Variants in SORCS1 observed in about 807,000 individuals in gnomAD.
The protein encoded by SORCS1 is VPS10 domain-containing receptor SorCS1.
In SORCS1, 60 loss-of-function variants were observed where a neutral mutation model predicts 146.1. The observed-to-expected ratio is 0.41, with a 90% CI of 0.33 to 0.51. The LOEUF is 0.51. Ranked by LOEUF, SORCS1 falls within the 20% of genes least tolerant of loss-of-function variation. SORCS1 has a pLI of 0.21. For missense variants in SORCS1, 1,352 were observed against 1,487.6 expected (o/e 0.91, Z 1.50); for synonymous variants, 637 against 584.0 (o/e 1.09, Z -1.31).
At chr10:106,911,521 C>T (rs555535160) in intron 2 of SORCS1, among the ~76,000 whole-genome samples, 7 of 152,016 alleles carry the variant, frequency 4.6e-5, no homozygotes, top group Non-Finnish European at 8.8e-5. Context: ...GCATCAGTAC[C>T]AGAGAACCAG....
At chr10:106,755,333 T>C (rs1858552433) in intron 5 of SORCS1, among the ~76,000 whole-genome samples, 1 of 152,216 alleles carries the variant, frequency 6.6e-6, no homozygotes, top group Non-Finnish European at 1.5e-5. Context: ...CTGTTACAAA[T>C]TATGTGTTAT....
At chr10:107,026,063 T>TC (rs1460242352) in intron 1 of SORCS1, among the ~76,000 whole-genome samples, 1 of 151,758 alleles carries the variant, frequency 6.6e-6, no homozygotes, top group Admixed American at 6.6e-5. Context: ...AGGATTGAGA[T>TC]CCCCCCACAC....
intron 18 of SORCS1, among the ~76,000 whole-genome samples, chr10:106,645,637 T>C (rs1315054269): frequency 6.6e-6 from 1 of 152,214 alleles, no homozygotes; most frequent in Non-Finnish European, 1.5e-5. Context: ...GTGCATTTTC[T>C]GTTGAGTTAC....
upstream of SORCS1, among the ~76,000 whole-genome samples, chr10:107,165,109 C>T (rs980906474): frequency 2.0e-5 from 3 of 152,014 alleles, no homozygotes; most frequent in African/African-American, 7.2e-5. The surrounding 1 kb of genome is among the most constrained non-coding windows in gnomAD (Gnocchi z 4.0). Context: ...CTTTTTTCTC[C>T]GTCTTTCTGG....
At chr10:107,018,262 C>A (rs1172428969) in intron 1 of SORCS1, among the ~76,000 whole-genome samples, 1 of 152,046 alleles carries the variant, frequency 6.6e-6, no homozygotes, top group African/African-American at 2.4e-5. Context: ...GCAAGCTCTG[C>A]CTCCTGGGTT....
intron 2 of SORCS1, among the ~76,000 whole-genome samples, chr10:106,841,487 C>A (rs1302891365): frequency 6.6e-6 from 1 of 151,972 alleles, no homozygotes; most frequent in South Asian, 2.1e-4. Flanking sequence ...TACACACACA[C>A]ACACACACAC....
intron 2 of SORCS1, among the ~76,000 whole-genome samples, chr10:106,831,504 G>A (rs779234179): frequency 9.2e-5 from 14 of 152,134 alleles, no homozygotes; most frequent in South Asian, 8.3e-4. Flanking sequence ...GATTTAATTC[G>A]AAAAACACAA....
chr10:106,714,582 G>T (rs1224160515), intron 6 of SORCS1, among the ~76,000 whole-genome samples: 2 of 152,024 alleles, frequency 1.3e-5, no homozygotes, highest in East Asian at 1.9e-4. Flanking sequence ...TAAAAAGTAG[G>T]TTACCAAAAT....
In SORCS1 at chr10:106,842,431, G is replaced by A. The variant is rs375752448; in HGVS notation, c.627-12758C>T. Among the ~76,000 whole-genome samples, 11 of 151,796 alleles carry A rather than the reference G, an allele frequency of 7.2e-5. No homozygotes were observed. The East Asian group carries it at 1.2e-3, about 16-fold the overall frequency. ...GTATTTTTAGTAGAGACAGGGTTTC[G>A]CCATGTTGGCCAGGCTGGTCTCGAA... On this transcript the variant is annotated intron_variant, in intron 2 of 25. Transcript: ENST00000263054.
chr10:106,661,232 A>G (rs1434528098), intron 17 of SORCS1, among the ~76,000 whole-genome samples: 1 of 152,242 alleles, frequency 6.6e-6, no homozygotes, highest in Non-Finnish European at 1.5e-5. Flanking sequence ...CTAACATGAA[A>G]TAAAATACAA....
chr10:106,799,623 T>C (rs566186666), intron 3 of SORCS1, among the ~76,000 whole-genome samples: 138 of 152,128 alleles, frequency 9.1e-4, no homozygotes, highest in African/African-American at 3.3e-3. Context: ...AACAGACACA[T>C]GAAAAAATGC....
rs148212023 is a variant in SORCS1, at chr10:106,581,078, C to T, written c.3266-1604G>A. 2.0e-4 allele frequency among the ~76,000 whole-genome samples: 31 copies of T among 152,246 alleles called. No homozygotes were observed. In the East Asian group the frequency reaches 4.1e-3, roughly 20 times the overall value. ...TAGAAAACAAAGCTCTCAATGCCAT[C>T]GGCAGAGAGGTTCAGAAATTCTTCA... On this transcript the variant is annotated intron_variant, in intron 24 of 25. Coordinates refer to ENST00000263054, the MANE Select transcript of SORCS1 (RefSeq NM_052918.5).
chr10:107,070,783 C>G (rs911508613), intron 1 of SORCS1, among the ~76,000 whole-genome samples: 9 of 152,004 alleles, frequency 5.9e-5, no homozygotes, highest in African/African-American at 2.2e-4. Context: ...TACTTAATGA[C>G]TATGTTACTG....
At chr10:106,941,556 C>T (rs1399154131) in intron 2 of SORCS1, among the ~76,000 whole-genome samples, 1 of 152,112 alleles carries the variant, frequency 6.6e-6, no homozygotes, top group Non-Finnish European at 1.5e-5. Context: ...AGTAGTTCAC[C>T]GTGGCTAGAA....
intron 1 of SORCS1, among the ~76,000 whole-genome samples, chr10:107,067,344 TATCTGGGTAACC>T (rs1251997366): frequency 6.6e-6 from 1 of 152,104 alleles, no homozygotes; most frequent in African/African-American, 2.4e-5. Context: ...TGCAGACACT[TATCTGGGTAACC>T]ATCTCCTAAT....
intron 1 of SORCS1, among the ~76,000 whole-genome samples, chr10:107,149,807 G>C (rs1336705979): frequency 6.6e-6 from 1 of 152,190 alleles, no homozygotes; most frequent in Admixed American, 6.5e-5. Flanking sequence ...AGACAATGAA[G>C]AAAGTGTTCA....
At chr10:107,090,282 A>G (rs995236218) in intron 1 of SORCS1, among the ~76,000 whole-genome samples, 4 of 152,170 alleles carry the variant, frequency 2.6e-5, no homozygotes, top group Non-Finnish European at 4.4e-5. Flanking sequence ...ACCACAAGAG[A>G]GGAAGTAAAG....
intron 2 of SORCS1, among the ~76,000 whole-genome samples, chr10:106,839,026 C>T (rs1035430724): frequency 6.6e-6 from 1 of 152,158 alleles, no homozygotes; most frequent in African/African-American, 2.4e-5. Flanking sequence ...TTTCTCCCTC[C>T]TTTTCTTTCC....
chr10:106,635,587 G>A (rs763736701), intron 18 of SORCS1, among the ~76,000 whole-genome samples: 3 of 151,898 alleles, frequency 2.0e-5, no homozygotes, highest in African/African-American at 4.8e-5. Flanking sequence ...TGAATGAGGG[G>A]AAATAAATAT....
Sources: allele counts gnomAD v4.1 joint callset (sites outside exome capture counted in the v4.1 genomes callset), GRCh38; gene constraint gnomAD v4.1.1; non-coding constraint Gnocchi (gnomAD v3.1); transcripts MANE v1.5; gene names NCBI Gene and HGNC (gene_info 2026-07-23, HGNC 2026-07-21).